The following PDE1C variants were observed in gnomAD, a reference collection of about 807,000 sequenced individuals.
PDE1C encodes the protein phosphodiesterase 1C.
A neutral mutation model predicts 93.1 loss-of-function variants in PDE1C; 62 were observed. The ratio of observed to expected loss-of-function variants is 0.67; its 90% CI spans 0.54 to 0.82. The LOEUF (loss-of-function observed/expected upper bound fraction) is 0.82. PDE1C is among the 40% of genes least tolerant of loss of function. The probability of loss-of-function intolerance (pLI) is 0.00; values close to 1 mark genes in which losing one functional copy is unlikely to be tolerated. For synonymous variants in PDE1C, 325 were observed against 310.1 expected (o/e 1.05, Z -0.50); for missense variants, 742 against 884.6 (o/e 0.84, Z 2.04).
the PDE1C span, chr7:31,696,049 T>A: frequency 0.42 from 63,869 of 153,118 alleles, 14,620 homozygotes; most frequent in East Asian, 0.68. Flanking sequence ...CCAGGCCTTC[T>A]TCAGTCACGA....
chr7:31,835,396 C>A (rs537102854), intron 11 of PDE1C, among the ~76,000 whole-genome samples: 3 of 152,064 alleles, frequency 2.0e-5, no homozygotes, highest in East Asian at 3.9e-4. Context: ...AGTTCTAGTT[C>A]CCCCCACACC....
intron 3 of PDE1C, among the ~76,000 whole-genome samples, chr7:32,126,752 A>C (rs1799603287): frequency 6.6e-6 from 1 of 152,150 alleles, no homozygotes; most frequent in South Asian, 2.1e-4. Flanking sequence ...TTTACTACAC[A>C]AAAAAAGAGA....
chr7:32,259,967 G>A (rs889343511), intron 1 of PDE1C, among the ~76,000 whole-genome samples: 2 of 152,138 alleles, frequency 1.3e-5, no homozygotes, highest in Non-Finnish European at 2.9e-5. Context: ...CCATGGCTTG[G>A]TGCCCAGAAA....
chr7:32,238,629 T>C (rs1265140681), intron 1 of PDE1C, among the ~76,000 whole-genome samples: 1 of 152,210 alleles, frequency 6.6e-6, no homozygotes, highest in Non-Finnish European at 1.5e-5. Flanking sequence ...GGAAGGATAA[T>C]GTTCATTCTA....
intron 2 of PDE1C, among the ~76,000 whole-genome samples, chr7:32,034,417 C>T (rs960790509): frequency 3.9e-5 from 6 of 152,020 alleles, no homozygotes; most frequent in Non-Finnish European, 8.8e-5. Context: ...ATTTGTGCCT[C>T]GGACAAAGAT....
the PDE1C span, among the ~76,000 whole-genome samples, chr7:31,716,945 G>T: frequency 1.3e-5 from 2 of 152,150 alleles, no homozygotes; most frequent in Non-Finnish European, 2.9e-5. Flanking sequence ...TGAAAAAAAT[G>T]AATTTGTCGA....
At chr7:31,680,910 G>A in the PDE1C span, among the ~76,000 whole-genome samples, 9 of 152,190 alleles carry the variant, frequency 5.9e-5, no homozygotes, top group African/African-American at 2.2e-4. Context: ...CAGATGCCCA[G>A]TCAAGCATCA....
chr7:31,843,040 C>G (rs935003994), intron 9 of PDE1C, among the ~76,000 whole-genome samples: 1 of 151,832 alleles, frequency 6.6e-6, no homozygotes, highest in South Asian at 2.1e-4. Flanking sequence ...CAGGATTTTC[C>G]TAGATATCTT....
At chr7:32,326,017 G>A (rs1340333345) in intron 1 of PDE1C, among the ~76,000 whole-genome samples, 1 of 151,828 alleles carries the variant, frequency 6.6e-6, no homozygotes, top group African/African-American at 2.4e-5. Context: ...TAAAGGAAGA[G>A]GTAACAAGAT....
At chr7:32,240,767 G>A (rs1808489330) in intron 1 of PDE1C, among the ~76,000 whole-genome samples, 1 of 152,204 alleles carries the variant, frequency 6.6e-6, no homozygotes, top group African/African-American at 2.4e-5. Context: ...TTTTTAAAGG[G>A]TCATTCTGGC....
At chr7:32,166,495 A>C (rs898877193) in intron 3 of PDE1C, among the ~76,000 whole-genome samples, 1 of 152,182 alleles carries the variant, frequency 6.6e-6, no homozygotes, top group African/African-American at 2.4e-5. Flanking sequence ...GCTCCAATAC[A>C]TAGAGTATGC....
At chr7:31,916,564 C>G (rs183246411) in intron 2 of PDE1C, among the ~76,000 whole-genome samples, 16 of 152,262 alleles carry the variant, frequency 1.1e-4, no homozygotes, top group Non-Finnish European at 1.5e-4. Context: ...TCTGACCTTA[C>G]GTCATGCAAA....
intron 3 of PDE1C, among the ~76,000 whole-genome samples, chr7:32,088,637 T>G (rs1400553354): frequency 6.6e-6 from 1 of 152,232 alleles, no homozygotes; most frequent in Non-Finnish European, 1.5e-5. Context: ...GGCTGTGTGA[T>G]GTCGCTGGGT....
chr7:31,790,059 T>G (rs1784400893), intron 16 of PDE1C: 2 of 1,399,330 alleles, frequency 1.4e-6, no homozygotes, highest in Non-Finnish European at 1.9e-6. Context: ...CCCCAAAGAT[T>G]CATCCCCTGG....
At chr7:31,640,433 A>T in the PDE1C span, among the ~76,000 whole-genome samples, 3 of 151,594 alleles carry the variant, frequency 2.0e-5, no homozygotes, top group Admixed American at 2.0e-4. Context: ...TGCCCTTTGA[A>T]CTCTAGCTGG....
intron 1 of PDE1C, among the ~76,000 whole-genome samples, chr7:32,330,840 G>A (rs753088853): frequency 3.3e-5 from 5 of 152,218 alleles, no homozygotes; most frequent in Non-Finnish European, 7.3e-5. Context: ...TAAGGCCAGA[G>A]AGCAGGGAAT....
intron 7 of PDE1C, among the ~76,000 whole-genome samples, chr7:31,851,829 G>A (rs766636439): frequency 6.6e-6 from 1 of 152,174 alleles, no homozygotes; most frequent in Non-Finnish European, 1.5e-5. Flanking sequence ...ATCAAAATAT[G>A]TGTGACAACT....
chr7:32,154,263 G>C (rs1203335126), intron 3 of PDE1C, among the ~76,000 whole-genome samples: 1 of 151,968 alleles, frequency 6.6e-6, no homozygotes, highest in East Asian at 1.9e-4. Context: ...TGCCTCAAAA[G>C]TTTAAAAATT....
chr7:32,059,783 A>C (rs1043461925), intron 1 of PDE1C, among the ~76,000 whole-genome samples: 2 of 152,210 alleles, frequency 1.3e-5, no homozygotes, highest in African/African-American at 4.8e-5. Context: ...GGCACCAAGG[A>C]AAAAACAGGG....
Sources: gnomAD v4.1 joint callset for allele counts (sites outside exome capture counted in the v4.1 genomes callset) on GRCh38, gnomAD v4.1.1 for gene constraint, MANE v1.5 for transcripts, NCBI Gene and HGNC (gene_info 2026-07-23, HGNC 2026-07-21) for gene names.